The following CA1 variants were observed in gnomAD, a reference collection of about 807,000 sequenced individuals.
CA1 encodes carbonate dehydratase I.
A neutral mutation model predicts 28.8 loss-of-function variants in CA1; 27 were observed. The ratio of observed to expected loss-of-function variants is 0.94; its 90% CI spans 0.69 to 1.29. The LOEUF is 1.29. CA1 is among the 50% of genes most tolerant of loss of function. The pLI, the probability that CA1 is intolerant of heterozygous loss-of-function variation, is 0.00. For missense variants in CA1, 335 were observed against 310.5 expected, an observed-to-expected ratio of 1.08 and a Z score of -0.59; for synonymous variants, 121 against 108.8, an observed-to-expected ratio of 1.11 and a Z score of -0.70.
chr8:85,343,564 G>A lies in CA1; in HGVS notation c.-24-1905C>T, dbSNP rs140416887. ...ACAGGAGCAGGCTACCCCCTGCCAG[G>A]TAATTTGCCTCCTAATATTGTATAC... On this transcript the variant is annotated intron_variant, in intron 1 of 7. Coordinates refer to ENST00000523022, the MANE Select transcript of CA1 (RefSeq NM_001128831.4). Among the ~76,000 whole-genome samples, 532 of 152,218 alleles carry A rather than the reference G, an allele frequency of 3.5e-3. 3 individuals carry two copies. The highest frequency in any genetic ancestry group is 0.012 in the African/African-American group (506 of 41,544).
intron 1 of CA1, among the ~76,000 whole-genome samples, chr8:85,359,400 A>C (rs1809712702): frequency 6.6e-6 from 1 of 152,250 alleles, no homozygotes; most frequent in South Asian, 2.1e-4. Flanking sequence ...CCTGCAGGCC[A>C]GATCTATGAG....
intron 1 of CA1, among the ~76,000 whole-genome samples, chr8:85,359,475 G>A (rs1245762002): frequency 6.6e-6 from 1 of 152,106 alleles, no homozygotes; most frequent in African/African-American, 2.4e-5. Flanking sequence ...ATAGAAAGAC[G>A]TGGAATTGCT....
intron 1 of CA1, among the ~76,000 whole-genome samples, chr8:85,358,949 G>A (rs936295165): frequency 7.9e-5 from 12 of 152,060 alleles, no homozygotes; most frequent in African/African-American, 2.7e-4. Flanking sequence ...ATAACAGTGA[G>A]AAGAAAAAAA....
At chr8:85,347,096 TA>T (rs1230474983) in intron 1 of CA1, among the ~76,000 whole-genome samples, 2 of 152,292 alleles carry the variant, frequency 1.3e-5, no homozygotes, top group South Asian at 2.1e-4. Flanking sequence ...ATTTTAAGGT[TA>T]AAAAAACATG....
intron 1 of CA1, among the ~76,000 whole-genome samples, chr8:85,354,630 G>A (rs1809538233): frequency 6.6e-6 from 1 of 152,214 alleles, no homozygotes; most frequent in Non-Finnish European, 1.5e-5. Context: ...CAACAGAGAA[G>A]AGAGATCTTT....
chr8:85,332,304 A>G, intron 6 of CA1, 186 bp downstream of exon 6: 1 of 578,064 alleles, frequency 1.7e-6, no homozygotes, highest in Non-Finnish European at 3.1e-6. Flanking sequence ...AAAACAGAAA[A>G]CCAAAACAAT....
At chr8:85,366,720 G>A (rs1020520485) in intron 1 of CA1, among the ~76,000 whole-genome samples, 2 of 152,160 alleles carry the variant, frequency 1.3e-5, no homozygotes, top group Non-Finnish European at 2.9e-5. Context: ...AACCTAAACG[G>A]GAATGGAATT....
chr8:85,334,828 TAAAA>T lies in CA1; in HGVS notation c.355-1212_355-1209del, dbSNP rs149532520. On this transcript the variant is annotated intron_variant, in intron 4 of 7. Coordinates refer to ENST00000523022, the MANE Select transcript of CA1 (RefSeq NM_001128831.4). ...CAACGTGGTAAAACTCCATCTCTAC[TAAAA>T]ATACAAAATTAGCCGGGTGTGGTGG... Among the ~76,000 whole-genome samples, 744 of 152,056 alleles carry T rather than the reference TAAAA, an allele frequency of 4.9e-3. 5 individuals are homozygous for T. The highest frequency in any genetic ancestry group is 8.5e-3 in the Non-Finnish European group (580 of 67,998).
At position 85,338,720 on chromosome 8, in the gene CA1, T is replaced by C. The variant is rs1007596887; in HGVS notation, c.38-271A>G. 7.6e-4 allele frequency among the ~76,000 whole-genome samples: 111 copies of C among 146,514 alleles called. 2 individuals are homozygous for C. The highest frequency in any genetic ancestry group is 3.5e-3 in the Middle Eastern group (1 of 288). ...TCTCTCTCTTTCTTTCTCTCTCTTTTTTTTTTTTTTTTTGACAGAGTCTTG... is the reference window on the plus strand; with the variant it reads ...TCTCTCTCTTTCTTTCTCTCTCTTTCTTTTTTTTTTTTTGACAGAGTCTTG... On this transcript the variant is annotated intron_variant, in intron 2 of 7. Coordinates refer to ENST00000523022, the MANE Select transcript of CA1 (RefSeq NM_001128831.4).
intron 3 of CA1, chr8:85,337,315 C>T: frequency 2.1e-6 from 1 of 472,014 alleles, no homozygotes; most frequent in South Asian, 2.0e-5. Context: ...ACAATTTTAC[C>T]TATTTCTAAC....
chr8:85,354,871 A>G (rs1039815834), intron 1 of CA1, among the ~76,000 whole-genome samples: 2 of 152,208 alleles, frequency 1.3e-5, no homozygotes, highest in Non-Finnish European at 2.9e-5. Context: ...GTTAGCTTGA[A>G]TGTCCAACCT....
chr8:85,376,223 C>G (rs772581772), intron 1 of CA1, among the ~76,000 whole-genome samples: 1 of 151,900 alleles, frequency 6.6e-6, no homozygotes, highest in Non-Finnish European at 1.5e-5. Context: ...CCCAGCTACT[C>G]GGGAGGCTGA....
intron 4 of CA1, among the ~76,000 whole-genome samples, chr8:85,334,934 A>T (rs1585918021): frequency 6.6e-6 from 1 of 152,068 alleles, no homozygotes; most frequent in Non-Finnish European, 1.5e-5. Context: ...AGGTTGCAGT[A>T]AGCCGAGATC....
intron 1 of CA1, chr8:85,343,362 GTA>G (rs1809005349): frequency 6.6e-6 from 1 of 152,166 alleles, no homozygotes; most frequent in African/African-American, 2.4e-5. Flanking sequence ...CTAGATCTGT[GTA>G]ATTCCAAAGC....
chr8:85,336,639 A>G (rs912649170), intron 4 of CA1, among the ~76,000 whole-genome samples: 13 of 152,210 alleles, frequency 8.5e-5, no homozygotes, highest in African/African-American at 2.9e-4. Flanking sequence ...TTGGGGTTAC[A>G]GCTTTAAAGG....
chr8:85,328,401 G>A lies in CA1; in HGVS notation c.*159C>T. On this transcript the variant is annotated 3_prime_UTR_variant, in exon 8 of 8. Coordinates refer to ENST00000523022, the MANE Select transcript of CA1 (RefSeq NM_001128831.4). The stretch of plus-strand genomic sequence containing the variant: ...AATTATTATTTGAATTAAGCAGTAA[G>A]AACTAAAATTTAAGTTTCTTAGTTT... The A allele has an allele frequency of 1.9e-6, 1 of 524,958 alleles. No homozygotes were observed. Among genetic ancestry groups the A allele is most frequent in the Non-Finnish European group, 3.4e-6 (1 of 296,326 alleles). 32.5% of individuals were successfully genotyped at this position (524,958 alleles called of 1,614,324 possible). A position where few individuals can be genotyped will look rare whatever the true frequency, so the allele number is the denominator to read the frequency against.
At chr8:85,375,506 T>C (rs1264734555) in intron 1 of CA1, among the ~76,000 whole-genome samples, 2 of 135,872 alleles carry the variant, frequency 1.5e-5, no homozygotes, top group African/African-American at 4.9e-5. Flanking sequence ...CCTGTTTTTT[T>C]CCTTTTCTTT....
chr8:85,377,273 T>C (rs1375742242), intron 1 of CA1, among the ~76,000 whole-genome samples: 1 of 152,230 alleles, frequency 6.6e-6, no homozygotes, highest in Non-Finnish European at 1.5e-5. Flanking sequence ...TTATTACTTT[T>C]ACTGGAATTG....
At chr8:85,360,625 C>T (rs1435210840) in intron 1 of CA1, among the ~76,000 whole-genome samples, 1 of 152,092 alleles carries the variant, frequency 6.6e-6, no homozygotes, top group Non-Finnish European at 1.5e-5. Flanking sequence ...CCTGGGAGGT[C>T]AAAGCTGCAG....
Sources: gnomAD v4.1 joint callset for allele counts (sites outside exome capture counted in the v4.1 genomes callset) on GRCh38, gnomAD v4.1.1 for gene constraint, MANE v1.5 for transcripts, NCBI Gene and HGNC (gene_info 2026-07-23, HGNC 2026-07-21) for gene names.